NLRC5: variants seen among roughly 807,000 people sequenced by gnomAD.
The protein encoded by NLRC5 is NLR family CARD domain containing 5.
Under a neutral mutation model 206.9 loss-of-function variants are expected in NLRC5, and 114 were observed. The ratio of observed to expected loss-of-function variants is 0.55; its 90% CI spans 0.47 to 0.64. The LOEUF is 0.64. Among genes scored for constraint, NLRC5 ranks in the 30% least tolerant of loss-of-function variants. The pLI is 0.00. For synonymous variants in NLRC5, 952 were observed against 962.8 expected, an observed-to-expected ratio of 0.99 and a Z score of 0.21; for missense variants, 2,008 against 2,305.5, an observed-to-expected ratio of 0.87 and a Z score of 2.64.
chr16:57,079,809 C>T (rs552532843), intron 46 of NLRC5, among the ~76,000 whole-genome samples, 180 bp downstream of exon 46: 2 of 152,326 alleles, frequency 1.3e-5, no homozygotes, highest in Non-Finnish European at 2.9e-5. Context: ...CATTTTAACA[C>T]TTGAGCTGCA....
chr16:57,055,298 G>A (rs1263469632), intron 26 of NLRC5, 135 bp from the exon 27 acceptor site: 5 of 924,034 alleles, frequency 5.4e-6, no homozygotes, highest in African/African-American at 1.6e-5. Flanking sequence ...GTGGATTCTG[G>A]ACACTTCCAG....
chr16:57,058,252 G>A, intron 28 of NLRC5, 104 bp downstream of exon 28: 1 of 960,224 alleles, frequency 1.0e-6, no homozygotes, highest in Non-Finnish European at 1.6e-6. Flanking sequence ...GAGCACCAGA[G>A]GACAAGGACT....
chr16:57,081,401 C>A, intron 47 of NLRC5, 126 bp from the exon 48 acceptor site: 2 of 990,646 alleles, frequency 2.0e-6, no homozygotes, highest in Non-Finnish European at 3.1e-6. Context: ...CTTTTGGGTT[C>A]CCTGAGAAGG....
chr16:57,064,320 T>G (rs958912513), intron 32 of NLRC5, among the ~76,000 whole-genome samples: 1 of 152,216 alleles, frequency 6.6e-6, no homozygotes, highest in African/African-American at 2.4e-5. Context: ...CAGTAATATT[T>G]GACTTAATTC....
At chr16:57,039,744 A>C in intron 15 of NLRC5, 37 bp from the exon 16 acceptor site, 1 of 1,581,234 alleles carries the variant, frequency 6.3e-7, no homozygotes, top group East Asian at 2.2e-5. Context: ...GGGAGCCAAT[A>C]ACCTCTCGCT....
chr16:57,061,393 G>C (rs1265482336), intron 30 of NLRC5, 55 bp from the exon 31 acceptor site: 5 of 1,543,890 alleles, frequency 3.2e-6, no homozygotes, highest in Non-Finnish European at 4.4e-6. Context: ...AGATGAAGCT[G>C]AGCAGCAGTG....
intron 1 of NLRC5, among the ~76,000 whole-genome samples, chr16:57,007,092 T>C (rs564741916): frequency 1.3e-5 from 2 of 152,218 alleles, no homozygotes; most frequent in Non-Finnish European, 2.9e-5. Flanking sequence ...ATTAAAAAGT[T>C]TGAATGGTTC....
rs1386536340 is a variant in NLRC5 at position 57,031,436 on chromosome 16, C to A, written c.2450C>A (p.Pro817His). ...EADLIFLLSP[P>H]TETTAELQRA... The stretch of plus-strand genomic sequence containing the variant: ...GACCTCATCTTCCTTCTTTCCCCGC[C>A]CACAGAGACAACTGCAGAGCTACAA... Residue 817 changes from proline (P) to histidine (H), a missense_variant, in exon 11 of 49, where the codon CCC becomes CAC. By Grantham distance (77) the Pro-to-His change is moderately conservative (BLOSUM62 -2). Transcript: ENST00000688547. The A allele has an allele frequency of 6.2e-7, 1 of 1,613,654 alleles. No homozygotes were observed. The highest frequency in any genetic ancestry group is 8.5e-7 in the Non-Finnish European group (1 of 1,179,958).
intron 11 of NLRC5, among the ~76,000 whole-genome samples, chr16:57,032,107 C>G (rs1207008210): frequency 6.6e-6 from 1 of 152,080 alleles, no homozygotes; most frequent in Non-Finnish European, 1.5e-5. Context: ...GTATAATGAC[C>G]TGGTAGTGTA....
At chr16:57,069,729 G>T in intron 36 of NLRC5, 107 bp from the exon 37 acceptor site, 3 of 839,988 alleles carry the variant, frequency 3.6e-6, no homozygotes, top group Non-Finnish European at 5.9e-6. Context: ...TCCTCACATT[G>T]CCCGCCACAT....
At chr16:57,078,165 C>T in intron 43 of NLRC5, 145 bp downstream of exon 43, 1 of 614,634 alleles carries the variant, frequency 1.6e-6, no homozygotes. Context: ...TGTTCCTTCC[C>T]TGCCTCTGAT....
chr16:57,065,677 C>T (rs923661516), intron 33 of NLRC5, among the ~76,000 whole-genome samples: 3 of 152,176 alleles, frequency 2.0e-5, no homozygotes, highest in African/African-American at 7.2e-5. Flanking sequence ...TTTTAGCATC[C>T]CACTCAGCTA....
intron 20 of NLRC5, among the ~76,000 whole-genome samples, chr16:57,044,313 A>G (rs1597331828): frequency 6.6e-6 from 1 of 151,320 alleles, no homozygotes; most frequent in African/African-American, 2.4e-5. Flanking sequence ...TCAAAAAAAA[A>G]AAGAAAAGAA....
intron 47 of NLRC5, 25 bp from the exon 48 acceptor site, chr16:57,081,502 C>A (rs1384222386): frequency 1.2e-6 from 2 of 1,608,696 alleles, no homozygotes; most frequent in Non-Finnish European, 1.7e-6. Flanking sequence ...TTCTCTTTCC[C>A]CTCCCCTCAC....
At chr16:57,001,470 A>C (rs1377711961) in intron 1 of NLRC5, among the ~76,000 whole-genome samples, 15 of 151,962 alleles carry the variant, frequency 9.9e-5, no homozygotes, top group African/African-American at 3.6e-4. Flanking sequence ...CTGTGGCTCC[A>C]CTCCTGTCCT....
intron 34 of NLRC5, among the ~76,000 whole-genome samples, chr16:57,066,877 C>T (rs981277441): frequency 6.6e-6 from 1 of 152,238 alleles, no homozygotes; most frequent in Non-Finnish European, 1.5e-5. Context: ...AGGCTGTGCT[C>T]TCTGCCCAGA....
chr16:57,022,402 GGTGGCTGGTC>G, intron 4 of NLRC5, 87 bp downstream of exon 4: 3 of 1,005,546 alleles, frequency 3.0e-6, no homozygotes, highest in Non-Finnish European at 4.6e-6. Context: ...TGGAGGCTGT[GGTGGCTGGTC>G]ACAGCCATTT....
chr16:57,020,493 C>G lies in NLRC5; in HGVS notation c.-12-208C>G, dbSNP rs183873032. 3.1e-3 allele frequency among the ~76,000 whole-genome samples: 323 copies of G among 105,548 alleles called. 4 individuals carry two copies. Among genetic ancestry groups the G allele is most frequent in the African/African-American group, 0.011 (305 of 26,928 alleles). 69.2% of individuals were successfully genotyped at this position (105,548 alleles called of 152,430 possible). The stretch of plus-strand genomic sequence containing the variant: ...TTCCCCTGTCCCCCAGCTCACCTCC[C>G]CCTCAGCTCTCCTGTCCCCCAGCTC... On this transcript the variant is annotated intron_variant, in intron 2 of 48. Transcript: ENST00000688547.
intron 1 of NLRC5, among the ~76,000 whole-genome samples, chr16:57,002,744 C>T (rs1413393300): frequency 3.4e-5 from 5 of 146,222 alleles, no homozygotes; most frequent in Admixed American, 2.8e-4. Flanking sequence ...TGGGTTCAAG[C>T]GATTCTCCTG....
Sources: allele counts gnomAD v4.1 joint callset (sites outside exome capture counted in the v4.1 genomes callset), GRCh38; gene constraint gnomAD v4.1.1; transcripts MANE v1.5; gene names NCBI Gene and HGNC (gene_info 2026-07-23, HGNC 2026-07-21).